SMARCA2: variants seen among roughly 807,000 people sequenced by gnomAD.
SMARCA2 encodes SWI/SNF-related matrix-associated actin-dependent regulator of chromatin subfamily A member 2.
SMARCA2 carries 61 observed loss-of-function variants against 199.8 expected under a neutral mutation model. That is an observed-to-expected ratio of 0.31 (90% confidence interval 0.25 to 0.38). SMARCA2 has a LOEUF of 0.38. Ranked by LOEUF, SMARCA2 falls within the 10% of genes least tolerant of loss-of-function variation. The pLI is 1.00. For missense variants in SMARCA2, 1,344 were observed against 2,012.2 expected, an observed-to-expected ratio of 0.67 and a Z score of 6.35; for synonymous variants, 935 against 732.0, an observed-to-expected ratio of 1.28 and a Z score of -4.48.
intron 22 of SMARCA2, among the ~76,000 whole-genome samples, chr9:2,103,715 A>T (rs1404075626): frequency 6.6e-6 from 1 of 151,990 alleles, no homozygotes; most frequent in African/African-American, 2.4e-5. Context: ...GTTGAGAGAA[A>T]GATTGAAAGT....
intron 23 of SMARCA2, among the ~76,000 whole-genome samples, chr9:2,105,949 A>T (rs916247616): frequency 8.5e-5 from 13 of 152,348 alleles, no homozygotes; most frequent in African/African-American, 3.1e-4. Flanking sequence ...TCCTGGAAAC[A>T]AATTGCTTTC....
chr9:2,145,304 CAA>C (rs56314428), intron 27 of SMARCA2, among the ~76,000 whole-genome samples: 21 of 132,338 alleles, frequency 1.6e-4, no homozygotes, highest in East Asian at 4.2e-4. Flanking sequence ...ACTCTTGTCT[CAA>C]AAAAAAAAAA....
chr9:2,090,426 G>C (rs1822002497), intron 19 of SMARCA2, among the ~76,000 whole-genome samples: 1 of 152,158 alleles, frequency 6.6e-6, no homozygotes, highest in African/African-American at 2.4e-5. Context: ...CTGCCTGTCA[G>C]AGTAGGCATG....
At position 2,096,642 on chromosome 9, in the gene SMARCA2, T is replaced by C; in HGVS notation, c.2884-15T>C. On this transcript the variant is annotated splice_polypyrimidine_tract_variant and intron_variant, in intron 19 of 33. Transcript: ENST00000349721. ...CCTTCCTGCTCTTGCCTACTTACTG[T>C]TCTCTTTTCTGCAGGTGGAATATGT... 6.3e-7 allele frequency: 1 copy of C among 1,577,374 alleles called. No individual in the cohort carries two copies. Among genetic ancestry groups the C allele is most frequent in the Non-Finnish European group, 8.7e-7 (1 of 1,146,568 alleles).
At chr9:2,081,736 G>C (rs542593279) in intron 14 of SMARCA2, 96 bp from the exon 15 acceptor site, 2 of 1,054,298 alleles carry the variant, frequency 1.9e-6, no homozygotes, top group East Asian at 2.4e-5. Context: ...ACATACAGCA[G>C]TGAGGAGTTA....
chr9:2,168,335 A>G (rs1826044701), intron 28 of SMARCA2, among the ~76,000 whole-genome samples: 1 of 152,188 alleles, frequency 6.6e-6, no homozygotes, highest in African/African-American at 2.4e-5. Context: ...TTATTACATT[A>G]TAGCAGCTTT....
chr9:2,147,286 AC>A, intron 27 of SMARCA2, among the ~76,000 whole-genome samples: 1 of 150,940 alleles, frequency 6.6e-6, no homozygotes, highest in Non-Finnish European at 1.5e-5. Flanking sequence ...CTTCTTTATG[AC>A]CCCCATTCCA....
intron 9 of SMARCA2, among the ~76,000 whole-genome samples, chr9:2,068,597 A>G (rs1458237434): frequency 1.3e-5 from 2 of 152,244 alleles, no homozygotes; most frequent in Non-Finnish European, 2.9e-5. Context: ...TATAATCAAT[A>G]TCTTAAGTAA....
intron 33 of SMARCA2, chr9:2,192,302 T>G (rs150564764): frequency 8.4e-4 from 146 of 173,604 alleles, no homozygotes; most frequent in African/African-American, 3.3e-3. Flanking sequence ...TTCAGAATTA[T>G]GATCTCACCC....
intron 24 of SMARCA2, among the ~76,000 whole-genome samples, chr9:2,112,675 T>C (rs1190248588): frequency 6.6e-6 from 1 of 152,214 alleles, no homozygotes; most frequent in Non-Finnish European, 1.5e-5. Flanking sequence ...CAAGTATTTC[T>C]AGCTGCCATA....
chr9:2,119,647 T>C lies in SMARCA2; in HGVS notation c.3762+112T>C, dbSNP rs191281041. The C allele has an allele frequency of 5.9e-3, 4,189 of 711,854 alleles. 18 individuals are homozygous for C. The highest frequency in any genetic ancestry group is 8.3e-3 in the Non-Finnish European group (3,366 of 404,702). The allele number at this position is 711,854 out of a possible 1,614,324, so 44.1% of individuals were successfully genotyped here. ...GGCAGAACTTCATACGTAAAGCCTA[T>C]GCCTTTCCTTCAGTTCAGAGGCTGC... On this transcript the variant is annotated intron_variant, in intron 26 of 33. Transcript: ENST00000349721. The surrounding 1 kb of genome is among the most constrained non-coding windows in gnomAD (Gnocchi z 4.6).
chr9:2,125,572 C>G (rs933716405), intron 27 of SMARCA2, among the ~76,000 whole-genome samples: 1 of 151,478 alleles, frequency 6.6e-6, no homozygotes, highest in Non-Finnish European at 1.5e-5. Context: ...TCAGTGCAAC[C>G]TCTGCCTACC....
In SMARCA2 at chr9:2,170,359, G is replaced by T. The variant is rs985575789; in HGVS notation, c.4200-60G>T. On this transcript the variant is annotated intron_variant, in intron 28 of 33. Coordinates refer to ENST00000349721, the MANE Select transcript of SMARCA2 (RefSeq NM_003070.5). The surrounding 1 kb of genome is among the most constrained non-coding windows in gnomAD (Gnocchi z 4.7). ...AGGTCACCCAGCCTAGGAAGAAGGA[G>T]CCGGGCGGGGACGAGAACCCAGGTC... 18 of 1,608,358 alleles carry T rather than the reference G, an allele frequency of 1.1e-5. No homozygotes were observed. The African/African-American group carries it at 2.0e-4, about 18-fold the overall frequency.
intron 21 of SMARCA2, among the ~76,000 whole-genome samples, chr9:2,098,539 G>C (rs1048275478): frequency 3.9e-5 from 6 of 152,148 alleles, no homozygotes; most frequent in Non-Finnish European, 8.8e-5. Context: ...TAGACACTGG[G>C]GAGTGTACCC....
intron 29 of SMARCA2, among the ~76,000 whole-genome samples, chr9:2,174,210 G>A (rs568164443): frequency 6.6e-6 from 1 of 152,210 alleles, no homozygotes; most frequent in Non-Finnish European, 1.5e-5. Flanking sequence ...CAGCATAAAG[G>A]ACCCCTCTCT....
rs893305736 is a variant in SMARCA2, at chr9:2,123,639, T to TC, written c.3763-80_3763-79insC. 5.6e-6 allele frequency: 7 copies of TC among 1,245,504 alleles called. No individual in the cohort carries two copies. In the African/African-American group the frequency reaches 1.0e-4, roughly 18 times the overall value. 77.2% of individuals were successfully genotyped at this position (1,245,504 alleles called of 1,614,324 possible). ...GACCCTGCAGCCATAGGAAGTGACT[T>TC]GGGGAAGTTGTGTAGTGCTGGGAAG... On this transcript the variant is annotated intron_variant, in intron 26 of 33. Coordinates refer to ENST00000349721, the MANE Select transcript of SMARCA2 (RefSeq NM_003070.5). The surrounding 1 kb of genome is among the most constrained non-coding windows in gnomAD (Gnocchi z 4.1).
At chr9:2,182,333 T>G (rs982328837) in intron 31 of SMARCA2, 91 bp downstream of exon 31, 1 of 770,772 alleles carries the variant, frequency 1.3e-6, no homozygotes, top group African/African-American at 1.7e-5. Flanking sequence ...ACCTCTTGAA[T>G]CATTGCTACT....
At chr9:2,074,415 C>T (rs1004565791) in intron 12 of SMARCA2, among the ~76,000 whole-genome samples, 1 of 152,160 alleles carries the variant, frequency 6.6e-6, no homozygotes, top group African/African-American at 2.4e-5. Flanking sequence ...CAAGGTAAAA[C>T]ATCCTTACCC....
intron 27 of SMARCA2, chr9:2,158,269 G>C: frequency 6.1e-6 from 1 of 162,768 alleles, no homozygotes; most frequent in Non-Finnish European, 1.3e-5. Context: ...GTTTTAACTT[G>C]ACTGGGGATT....
Sources: allele counts gnomAD v4.1 joint callset (sites outside exome capture counted in the v4.1 genomes callset), GRCh38; gene constraint gnomAD v4.1.1; non-coding constraint Gnocchi (gnomAD v3.1); transcripts MANE v1.5; gene names NCBI Gene and HGNC (gene_info 2026-07-23, HGNC 2026-07-21).